RPS6KC1: variants seen among roughly 807,000 people sequenced by gnomAD.
The protein encoded by RPS6KC1 is inactive ribosomal protein S6 kinase delta-1.
RPS6KC1 carries 54 observed loss-of-function variants against 103.8 expected under a neutral mutation model. That is an observed-to-expected ratio of 0.52 (90% confidence interval 0.42 to 0.65). The LOEUF (loss-of-function observed/expected upper bound fraction) is 0.65, where lower values mean the gene tolerates loss of function less well. Ranked by LOEUF, RPS6KC1 falls within the 30% of genes least tolerant of loss-of-function variation. The pLI is 0.00. For missense variants in RPS6KC1, 1,151 were observed against 1,253.8 expected (o/e 0.92, Z 1.24); for synonymous variants, 439 against 438.7 (o/e 1.00, Z -0.01).
the RPS6KC1 span, among the ~76,000 whole-genome samples, chr1:213,305,170 C>T: frequency 3.7e-3 from 569 of 152,122 alleles, 3 homozygotes; most frequent in African/African-American, 0.013. Flanking sequence ...CTGCAATCTC[C>T]GCCTCCCGGA....
chr1:213,103,225 G>A (rs1558320664), intron 3 of RPS6KC1, among the ~76,000 whole-genome samples: 1 of 150,936 alleles, frequency 6.6e-6, no homozygotes, highest in Non-Finnish European at 1.5e-5. Context: ...ATGTTTCATT[G>A]TAAGACATTT....
chr1:213,203,462 A>G (rs998246889), intron 8 of RPS6KC1, among the ~76,000 whole-genome samples: 66 of 152,260 alleles, frequency 4.3e-4, no homozygotes, highest in African/African-American at 1.5e-3. Flanking sequence ...TTAATAGGAT[A>G]TATTTTTAAA....
At chr1:213,086,658 C>T (rs2080429024) in intron 3 of RPS6KC1, among the ~76,000 whole-genome samples, 1 of 152,182 alleles carries the variant, frequency 6.6e-6, no homozygotes, top group Admixed American at 6.5e-5. Context: ...TGTCCAGACC[C>T]TGGCTGCTAC....
At chr1:213,344,426 T>G in the RPS6KC1 span, among the ~76,000 whole-genome samples, 1 of 152,238 alleles carries the variant, frequency 6.6e-6, no homozygotes. Flanking sequence ...AAAATCATGG[T>G]GCAAATATGA....
At chr1:213,467,664 G>A in the RPS6KC1 span, among the ~76,000 whole-genome samples, 3 of 152,148 alleles carry the variant, frequency 2.0e-5, no homozygotes, top group Non-Finnish European at 2.9e-5. Flanking sequence ...CCATGTGGTA[G>A]GATCTGCTCC....
the RPS6KC1 span, among the ~76,000 whole-genome samples, chr1:213,568,508 C>T: frequency 6.6e-6 from 1 of 152,152 alleles, no homozygotes; most frequent in Admixed American, 6.5e-5. Context: ...TAATTATACT[C>T]CAATAGAAGA....
chr1:213,572,958 G>T, the RPS6KC1 span, among the ~76,000 whole-genome samples: 1 of 151,606 alleles, frequency 6.6e-6, no homozygotes, highest in Non-Finnish European at 1.5e-5. Flanking sequence ...TTTTTTAATG[G>T]TCCCTTTGTG....
chr1:213,623,859 T>C, the RPS6KC1 span, among the ~76,000 whole-genome samples: 1 of 152,178 alleles, frequency 6.6e-6, no homozygotes, highest in Admixed American at 6.5e-5. Flanking sequence ...AGGTGCTGTG[T>C]GTATTCACCT....
intron 12 of RPS6KC1, among the ~76,000 whole-genome samples, chr1:213,249,992 G>A (rs1490666192): frequency 6.6e-6 from 1 of 152,144 alleles, no homozygotes; most frequent in Non-Finnish European, 1.5e-5. Context: ...GCTAGGTAGT[G>A]GGAGAAAAGT....
the RPS6KC1 span, among the ~76,000 whole-genome samples, chr1:213,346,624 G>T: frequency 4.0e-5 from 6 of 151,332 alleles, no homozygotes; most frequent in Non-Finnish European, 5.9e-5. Context: ...TGGTTTGTTA[G>T]TTTTTTTTTA....
intron 2 of RPS6KC1, chr1:213,072,893 C>T: frequency 5.1e-6 from 5 of 975,256 alleles, no homozygotes; most frequent in African/African-American, 1.8e-5. Context: ...CCAACCTATC[C>T]ATGAACATAC....
chr1:213,680,293 AC>A, the RPS6KC1 span, among the ~76,000 whole-genome samples: 1 of 152,190 alleles, frequency 6.6e-6, no homozygotes, highest in African/African-American at 2.4e-5. Context: ...TGTGCCTGTT[AC>A]GTGAAAAACA....
chr1:213,515,886 T>C, the RPS6KC1 span, among the ~76,000 whole-genome samples: 3 of 152,176 alleles, frequency 2.0e-5, no homozygotes, highest in Non-Finnish European at 4.4e-5. Flanking sequence ...TCCATTTGTT[T>C]GTATCCTCTT....
chr1:213,707,695 A>G, the RPS6KC1 span, among the ~76,000 whole-genome samples: 1 of 152,174 alleles, frequency 6.6e-6, no homozygotes, highest in African/African-American at 2.4e-5. Flanking sequence ...TAAATCTTTA[A>G]TCCATCTTGA....
intron 8 of RPS6KC1, among the ~76,000 whole-genome samples, chr1:213,216,112 T>C (rs900857986): frequency 6.6e-6 from 1 of 152,148 alleles, no homozygotes; most frequent in African/African-American, 2.4e-5. Context: ...GACCCATCAG[T>C]GTGCTGTATT....
At chr1:213,512,013 C>T in the RPS6KC1 span, among the ~76,000 whole-genome samples, 1 of 152,144 alleles carries the variant, frequency 6.6e-6, no homozygotes, top group Non-Finnish European at 1.5e-5. Flanking sequence ...TATTGAATGA[C>T]TAAATGAGCA....
At chr1:213,140,436 C>G (rs1487056933) in intron 6 of RPS6KC1, among the ~76,000 whole-genome samples, 2 of 152,008 alleles carry the variant, frequency 1.3e-5, no homozygotes, top group African/African-American at 2.4e-5. Flanking sequence ...GGAATGCTTC[C>G]AGCATTTGTC....
At chr1:213,153,531 T>C (rs2089509640) in intron 6 of RPS6KC1, among the ~76,000 whole-genome samples, 1 of 152,240 alleles carries the variant, frequency 6.6e-6, no homozygotes, top group Non-Finnish European at 1.5e-5. Context: ...TGTCTTATTG[T>C]GTTGCCTATG....
At chr1:213,114,787 C>T (rs2148867309) in intron 4 of RPS6KC1, among the ~76,000 whole-genome samples, 1 of 152,200 alleles carries the variant, frequency 6.6e-6, no homozygotes, top group Non-Finnish European at 1.5e-5. Context: ...TGTCAAAGGC[C>T]TTTTCTGCAT....
Sources: gnomAD v4.1 joint callset for allele counts (sites outside exome capture counted in the v4.1 genomes callset) on GRCh38, gnomAD v4.1.1 for gene constraint, MANE v1.5 for transcripts, NCBI Gene and HGNC (gene_info 2026-07-23, HGNC 2026-07-21) for gene names.